CTNNA3: variants seen among roughly 807,000 people sequenced by gnomAD.
CTNNA3 encodes the protein catenin alpha-3.
In CTNNA3, 76 loss-of-function variants were observed where a neutral mutation model predicts 95.7. The ratio of observed to expected loss-of-function variants is 0.79; its 90% CI spans 0.66 to 0.96. The LOEUF is 0.96. Ranked by LOEUF, CTNNA3 falls within the 40% of genes least tolerant of loss-of-function variation. CTNNA3 has a pLI of 0.00. For synonymous variants in CTNNA3, 431 were observed against 374.4 expected, an observed-to-expected ratio of 1.15 and a Z score of -1.74; for missense variants, 1,191 against 1,089.8, an observed-to-expected ratio of 1.09 and a Z score of -1.31.
intron 1 of CTNNA3, among the ~76,000 whole-genome samples, chr10:67,759,129 G>A (rs1028921430): frequency 4.6e-5 from 7 of 152,200 alleles, no homozygotes; most frequent in African/African-American, 4.8e-5. Flanking sequence ...TTAAAAGTAC[G>A]GTCATTTGCA....
intron 12 of CTNNA3, among the ~76,000 whole-genome samples, chr10:66,334,689 G>T (rs2092374260): frequency 6.6e-6 from 1 of 151,830 alleles, no homozygotes; most frequent in African/African-American, 2.4e-5. Flanking sequence ...TTCAACTTTG[G>T]TGAATCTGAC....
chr10:67,598,987 A>G (rs1490133994), intron 3 of CTNNA3, among the ~76,000 whole-genome samples: 2 of 152,206 alleles, frequency 1.3e-5, no homozygotes, highest in Non-Finnish European at 2.9e-5. Context: ...TGTGATTTCA[A>G]TTGCTGCCCA....
rs540979641 is a variant in CTNNA3 at position 66,306,356 on chromosome 10, A to G, written c.1733-25735T>C. ...CCTTCCCTGTTCTGAGTCTTCTTTT[A>G]TTTTTTTAACTGCCACAAATTTATA... On this transcript the variant is annotated intron_variant, in intron 12 of 17. Transcript: ENST00000433211. Among the ~76,000 whole-genome samples the G allele has an allele frequency of 1.8e-4, 28 of 152,234 alleles. No individual in the cohort carries two copies. In the South Asian group the frequency reaches 5.2e-3, roughly 28 times the overall value.
At chr10:66,119,038 A>G (rs2133809304) in intron 13 of CTNNA3, among the ~76,000 whole-genome samples, 1 of 152,276 alleles carries the variant, frequency 6.6e-6, no homozygotes, top group East Asian at 1.9e-4. Flanking sequence ...CACCATGCCC[A>G]GCCACACTAT....
intron 12 of CTNNA3, among the ~76,000 whole-genome samples, chr10:66,323,796 A>G (rs953632855): frequency 1.3e-5 from 2 of 151,974 alleles, no homozygotes; most frequent in African/African-American, 4.8e-5. Flanking sequence ...CCATGTCCCT[A>G]TCCTGTATCC....
chr10:66,596,652 A>G (rs1055533210), intron 10 of CTNNA3, among the ~76,000 whole-genome samples: 9 of 152,142 alleles, frequency 5.9e-5, no homozygotes, highest in African/African-American at 2.2e-4. Flanking sequence ...AAAGACCCCC[A>G]AAATCTCCAA....
intron 10 of CTNNA3, among the ~76,000 whole-genome samples, chr10:66,549,071 C>T (rs1842132704): frequency 6.6e-6 from 1 of 150,928 alleles, no homozygotes; most frequent in South Asian, 2.1e-4. Flanking sequence ...TCACTGCAAG[C>T]TCCGGTTCCC....
intron 15 of CTNNA3, among the ~76,000 whole-genome samples, chr10:66,063,582 A>G (rs1476692052): frequency 6.6e-6 from 1 of 151,808 alleles, no homozygotes; most frequent in Non-Finnish European, 1.5e-5. Flanking sequence ...ATGTTAAATG[A>G]CAGATTTTTA....
intron 7 of CTNNA3, among the ~76,000 whole-genome samples, chr10:67,131,697 T>G (rs1271312635): frequency 6.6e-6 from 1 of 151,984 alleles, no homozygotes; most frequent in Non-Finnish European, 1.5e-5. Flanking sequence ...TAAGAGGTGC[T>G]CAAAAATTAT....
chr10:67,329,333 T>A (rs1442254707), intron 5 of CTNNA3, among the ~76,000 whole-genome samples: 1 of 152,230 alleles, frequency 6.6e-6, no homozygotes, highest in Non-Finnish European at 1.5e-5. Context: ...ATGATGCCAC[T>A]GCACTTTAGC....
chr10:67,103,747 C>G (rs1858472217), intron 7 of CTNNA3, among the ~76,000 whole-genome samples: 1 of 151,400 alleles, frequency 6.6e-6, no homozygotes, highest in Non-Finnish European at 1.5e-5. Context: ...ATATATTATT[C>G]TGAATAATTT....
At chr10:66,345,639 G>T (rs2092501468) in intron 12 of CTNNA3, among the ~76,000 whole-genome samples, 1 of 152,056 alleles carries the variant, frequency 6.6e-6, no homozygotes, top group Non-Finnish European at 1.5e-5. Context: ...AAGAATAAAG[G>T]TGTTATTTCA....
At chr10:65,931,263 T>C (rs1381121871) in intron 17 of CTNNA3, among the ~76,000 whole-genome samples, 1 of 152,214 alleles carries the variant, frequency 6.6e-6, no homozygotes, top group Non-Finnish European at 1.5e-5. Context: ...GGCTCTTGTG[T>C]GCTTTTGAAA....
At chr10:67,074,382 G>A (rs113280877) in intron 7 of CTNNA3, among the ~76,000 whole-genome samples, 7,543 of 112,386 alleles carry the variant, frequency 0.067, 259 homozygotes, top group South Asian at 0.19. Flanking sequence ...ACGGAGTCTC[G>A]CTCTGTCGCC....
chr10:66,642,279 A>AACAC (rs377158480), intron 9 of CTNNA3, among the ~76,000 whole-genome samples: 19 of 61,336 alleles, frequency 3.1e-4, no homozygotes, highest in Admixed American at 5.7e-4. Context: ...CACACACACA[A>AACAC]ACACACACAC....
chr10:66,989,682 A>G (rs568980143), intron 7 of CTNNA3, among the ~76,000 whole-genome samples: 1 of 152,294 alleles, frequency 6.6e-6, no homozygotes, highest in Non-Finnish European at 1.5e-5. Context: ...TTACATAATA[A>G]GACTACTTAT....
At chr10:66,075,328 C>T (rs1220103698) in intron 14 of CTNNA3, among the ~76,000 whole-genome samples, 9 of 151,646 alleles carry the variant, frequency 5.9e-5, no homozygotes, top group Non-Finnish European at 1.5e-5. Context: ...ATACAGACCA[C>T]CATTCAAATT....
rs115166260 is a variant in CTNNA3 at position 67,186,198 on chromosome 10, G to A, written c.844-5678C>T. Among the ~76,000 whole-genome samples the A allele has an allele frequency of 7.1e-3, 1,087 of 152,206 alleles. 20 individuals carry two copies. Among genetic ancestry groups the A allele is most frequent in the African/African-American group, 0.025 (1,029 of 41,522 alleles). On this transcript the variant is annotated intron_variant, in intron 6 of 17. Coordinates refer to ENST00000433211, the MANE Select transcript of CTNNA3 (RefSeq NM_013266.4). ...ATATGTCTCCAGCATTGTGACAATA[G>A]GAAAAAACTGATTACATTTCAAATC...
chr10:67,218,084 G>T (rs879824990), intron 6 of CTNNA3, among the ~76,000 whole-genome samples: 1 of 152,006 alleles, frequency 6.6e-6, no homozygotes, highest in Non-Finnish European at 1.5e-5. Flanking sequence ...AATTCATTAG[G>T]TATATGCAAA....
Sources: allele counts gnomAD v4.1 joint callset (sites outside exome capture counted in the v4.1 genomes callset), GRCh38; gene constraint gnomAD v4.1.1; transcripts MANE v1.5; gene names NCBI Gene and HGNC (gene_info 2026-07-23, HGNC 2026-07-21).